HMCN2: variants seen among roughly 807,000 people sequenced by gnomAD.
The protein encoded by HMCN2 is hemicentin 2, also known as hemicentin-2.
HMCN2 carries 325 observed loss-of-function variants against 377.5 expected under a neutral mutation model. The ratio of observed to expected loss-of-function variants is 0.86; its 90% CI spans 0.79 to 0.94. The LOEUF is 0.94. Ranked by LOEUF, HMCN2 falls within the 40% of genes least tolerant of loss-of-function variation. The probability of loss-of-function intolerance (pLI) is 0.00; values close to 1 mark genes in which losing one functional copy is unlikely to be tolerated. For synonymous variants in HMCN2, 2,007 were observed against 2,046.8 expected, an observed-to-expected ratio of 0.98 and a Z score of 0.53; for missense variants, 4,543 against 4,725.3, an observed-to-expected ratio of 0.96 and a Z score of 1.13.
At chr9:130,403,098 C>T in intron 78 of HMCN2, 96 bp from the exon 79 acceptor site, 1 of 1,179,484 alleles carries the variant, frequency 8.5e-7, no homozygotes, top group Non-Finnish European at 1.1e-6. Context: ...CCCCGTTCTC[C>T]TTAGAGGCCT....
chr9:130,367,304 A>T (rs1217590716), intron 43 of HMCN2, among the ~76,000 whole-genome samples: 1 of 152,026 alleles, frequency 6.6e-6, no homozygotes, highest in Non-Finnish European at 1.5e-5. Context: ...CTCAGAGGAG[A>T]GGTCTGGGCT....
intron 29 of HMCN2, among the ~76,000 whole-genome samples, chr9:130,350,906 G>GA (rs952292139): frequency 4.7e-5 from 7 of 150,238 alleles, no homozygotes; most frequent in Non-Finnish European, 1.0e-4. Context: ...CAGTCTCAAG[G>GA]AAAAAAAAAG....
rs1843560838 is a variant in HMCN2 at position 130,414,003 on chromosome 9, A to G, written c.12961+3351A>G. Among the ~76,000 whole-genome samples the G allele has an allele frequency of 6.6e-6, 1 of 151,836 alleles. No individual in the cohort carries two copies. The highest frequency in any genetic ancestry group is 2.1e-4 in the South Asian group (1 of 4,800). On this transcript the variant is annotated intron_variant, in intron 85 of 97. Transcript: ENST00000683500. The surrounding 1 kb of genome is among the most constrained non-coding windows in gnomAD (Gnocchi z 4.4). ...TCTACCAAAAATACAAAAAAAAAAA[A>G]AAAAAAATAGCTGGGCATGGTGGCG... is the stretch of plus-strand genomic sequence containing the variant.
chr9:130,397,687 A>G, intron 74 of HMCN2, 32 bp downstream of exon 74: 1 of 1,288,458 alleles, frequency 7.8e-7, no homozygotes, highest in Non-Finnish European at 1.0e-6. Flanking sequence ...TTCAGTGTCC[A>G]GTCCCTGTCG....
intron 46 of HMCN2, among the ~76,000 whole-genome samples, chr9:130,371,423 A>AAC (rs760649901): frequency 7.9e-5 from 12 of 151,780 alleles, no homozygotes; most frequent in South Asian, 6.3e-4. Flanking sequence ...AGAAAAAAAA[A>AAC]AAACAAACTT....
intron 84 of HMCN2, among the ~76,000 whole-genome samples, chr9:130,410,172 T>C (rs775695475): frequency 2.0e-5 from 3 of 152,214 alleles, no homozygotes; most frequent in Non-Finnish European, 4.4e-5. Context: ...CCATAACATG[T>C]TGTCAACTCA....
At chr9:130,283,173 C>T (rs1022034041) in intron 1 of HMCN2, among the ~76,000 whole-genome samples, 7 of 152,046 alleles carry the variant, frequency 4.6e-5, no homozygotes, top group African/African-American at 1.5e-4. Flanking sequence ...CCCCACTATG[C>T]GCTTATCCTC....
intron 85 of HMCN2, among the ~76,000 whole-genome samples, chr9:130,411,633 C>A (rs1415643823): frequency 1.3e-5 from 2 of 148,190 alleles, no homozygotes; most frequent in Non-Finnish European, 3.0e-5. Flanking sequence ...AAAAGGAATG[C>A]AATGCAATTC....
intron 57 of HMCN2, 36 bp downstream of exon 57, chr9:130,383,636 C>T: frequency 1.0e-6 from 1 of 956,218 alleles, no homozygotes; most frequent in Non-Finnish European, 1.2e-6. Context: ...CTGTGGGTTC[C>T]TTTTCCCTTC....
Position 130,304,872 on chromosome 9 carries a change from C to A in HMCN2, c.1686C>A (p.Gly562=). Residue 562 remains glycine (G), a synonymous_variant, in exon 11 of 98, where the codon GGC becomes GGA. Transcript: ENST00000683500. This position sits in a 1 kb window ranked among gnomAD's most constrained non-coding sequence, Gnocchi z 4.3. ...GGCGAGTCCTGCCGGCCTCGACGGG[C>A]CGAGTTGCCCAGCTGGCTGACCTGT... ...RDWRVLPAST[G]RVAQLADLSL... 1 of 471,120 alleles carries A rather than the reference C, an allele frequency of 2.1e-6. No individual in the cohort carries two copies. The highest frequency in any genetic ancestry group is 4.4e-6 in the Non-Finnish European group (1 of 227,056). The allele number at this position is 471,120 out of a possible 1,614,324, so 29.2% of individuals were successfully genotyped here.
At chr9:130,382,978 C>A (rs1841811212) in intron 56 of HMCN2, 112 bp downstream of exon 56, 6 of 636,810 alleles carry the variant, frequency 9.4e-6, no homozygotes, top group Non-Finnish European at 1.2e-5. Flanking sequence ...TTGCTGGGAA[C>A]CATGCTGGAG....
chr9:130,433,956 C>CGGTGG lies in HMCN2; in HGVS notation c.*263_*264insGGTGG, dbSNP rs1844933421. Reference sequence around the variant, plus strand: ...CCCGGGGAAGCCCGGATCAGACCTCCAGGTCTGATCCGCCCCTCAGTGGGA... The same window carrying CGGTGG: ...CCCGGGGAAGCCCGGATCAGACCTCCGGTGGAGGTCTGATCCGCCCCTCAGTGGGA... On this transcript the variant is annotated 3_prime_UTR_variant, in exon 98 of 98. Transcript: ENST00000683500. The CGGTGG allele has an allele frequency of 2.5e-6, 1 of 406,706 alleles. No individual in the cohort carries two copies. Among genetic ancestry groups the CGGTGG allele is most frequent in the African/African-American group, 2.1e-5 (1 of 47,774 alleles). 25.2% of individuals were successfully genotyped at this position (406,706 alleles called of 1,614,324 possible).
chr9:130,302,876 G>T lies in HMCN2; in HGVS notation c.1296G>T (p.Met432Ile). Residue 432 changes from methionine (M) to isoleucine (I), a missense_variant, in exon 9 of 98, where the codon ATG (methionine) becomes ATT (isoleucine). By Grantham distance (10) the Met-to-Ile change is conservative (BLOSUM62 1). Transcript: ENST00000683500. ...GVAPGAPLVS[M>I]APRIHGYLHQ... ...CTACAGGCGCTCCCCTCGTCAGCAT[G>T]GCCCCCAGGATCCATGGCTACCTGC... 2.1e-6 allele frequency: 1 copy of T among 468,726 alleles called. No homozygotes were observed. Among genetic ancestry groups the T allele is most frequent in the Non-Finnish European group, 4.4e-6 (1 of 225,572 alleles). 29.0% of individuals were successfully genotyped at this position (468,726 alleles called of 1,614,324 possible). A position where few individuals can be genotyped will look rare whatever the true frequency, so the allele number is the denominator to read the frequency against.
intron 1 of HMCN2, among the ~76,000 whole-genome samples, chr9:130,272,056 T>G (rs954638518): frequency 1.3e-5 from 2 of 149,068 alleles, no homozygotes; most frequent in African/African-American, 2.4e-5. Flanking sequence ...TTTACTTTAC[T>G]GTTTAGTTCC....
chr9:130,427,300 C>T lies in HMCN2; in HGVS notation c.13880-13C>T, dbSNP rs1371614264. ...CCCTCATGTCCTTAGAGTCTATCCTCTTTGCTTTGCAGAGGAGAACGAGGT... is the reference window on the plus strand; with the variant it reads ...CCCTCATGTCCTTAGAGTCTATCCTTTTTGCTTTGCAGAGGAGAACGAGGT... On this transcript the variant is annotated splice_polypyrimidine_tract_variant and intron_variant, in intron 90 of 97. Coordinates refer to ENST00000683500, the MANE Select transcript of HMCN2 (RefSeq NM_001291815.2). 1 of 1,550,514 alleles carries T rather than the reference C, an allele frequency of 6.4e-7. No homozygotes were observed. The highest frequency in any genetic ancestry group is 2.0e-5 in the Admixed American group (1 of 51,014).
intron 94 of HMCN2, 144 bp downstream of exon 94, chr9:130,429,829 C>A: frequency 7.2e-7 from 1 of 1,392,378 alleles, no homozygotes; most frequent in Non-Finnish European, 9.4e-7. Context: ...GTGTCTAAGG[C>A]GCCAGTGCTG....
intron 83 of HMCN2, among the ~76,000 whole-genome samples, chr9:130,408,279 C>A (rs948457439): frequency 6.6e-6 from 1 of 152,164 alleles, no homozygotes; most frequent in African/African-American, 2.4e-5. Flanking sequence ...TCCAGAGCAT[C>A]GAAGAGTGTT....
chr9:130,382,849 G>A lies in HMCN2; in HGVS notation c.8716G>A (p.Asp2906Asn). 1.6e-5 allele frequency: 16 copies of A among 985,894 alleles called. No individual in the cohort carries two copies. The highest frequency in any genetic ancestry group is 1.7e-5 in the Non-Finnish European group (14 of 829,936). The allele number at this position is 985,894 out of a possible 1,614,324, so 61.1% of individuals were successfully genotyped here. ...SPSPRLQVLEDGQVLQVSTAE... is the reference protein window; with the variant it reads ...SPSPRLQVLENGQVLQVSTAE... ...GAGCCCACGGCTGCAGGTCCTGGAG[G>A]ACGGGCAAGTCTTGCAGGTCAGGGC... The change falls in exon 56 of 98, where the codon GAC becomes AAC. Residue 2906 changes from aspartate to asparagine, a missense_variant. Coordinates refer to ENST00000683500, the MANE Select transcript of HMCN2 (RefSeq NM_001291815.2).
At chr9:130,399,662 C>G in intron 76 of HMCN2, 30 bp downstream of exon 76, 1 of 1,269,544 alleles carries the variant, frequency 7.9e-7, no homozygotes, top group South Asian at 1.3e-5. Context: ...GAGGGGGACA[C>G]CTGGGGTGGG....
Sources: allele counts gnomAD v4.1 joint callset (sites outside exome capture counted in the v4.1 genomes callset), GRCh38; gene constraint gnomAD v4.1.1; non-coding constraint Gnocchi (gnomAD v3.1); transcripts MANE v1.5; gene names NCBI Gene and HGNC (gene_info 2026-07-23, HGNC 2026-07-21).